The following MGAT4C variants were observed in gnomAD, a reference collection of about 807,000 sequenced individuals.
MGAT4C encodes alpha-1,3-mannosyl-glycoprotein 4-beta-N-acetylglucosaminyltransferase C.
MGAT4C carries 19 observed loss-of-function variants against 40.1 expected under a neutral mutation model. The ratio of observed to expected loss-of-function variants is 0.47; its 90% CI spans 0.33 to 0.70. The LOEUF (loss-of-function observed/expected upper bound fraction) is 0.70, where lower values mean the gene tolerates loss of function less well. MGAT4C is among the 30% of genes least tolerant of loss of function. MGAT4C has a pLI of 0.02. For synonymous variants in MGAT4C, 181 were observed against 187.1 expected, an observed-to-expected ratio of 0.97 and a Z score of 0.27; for missense variants, 491 against 563.2, an observed-to-expected ratio of 0.87 and a Z score of 1.30.
chr12:86,505,352 A>G (rs754219823), intron 2 of MGAT4C, among the ~76,000 whole-genome samples: 17 of 152,220 alleles, frequency 1.1e-4, no homozygotes, highest in Non-Finnish European at 4.4e-5. Context: ...ATAAGGCTCC[A>G]GCACATGATC....
At chr12:86,629,424 G>A (rs893980265) in intron 2 of MGAT4C, among the ~76,000 whole-genome samples, 1 of 151,920 alleles carries the variant, frequency 6.6e-6, no homozygotes, top group African/African-American at 2.4e-5. Flanking sequence ...CTACAGAACT[G>A]TCCACCCCAA....
chr12:86,533,695 CTATATA>C (rs1307787433), intron 2 of MGAT4C, among the ~76,000 whole-genome samples: 1 of 151,116 alleles, frequency 6.6e-6, no homozygotes, highest in East Asian at 1.9e-4. Flanking sequence ...CTTTATATAT[CTATATA>C]TATAAACAAA....
At position 86,774,347 on chromosome 12, in the gene MGAT4C, C is replaced by A. The variant is rs937753185; in HGVS notation, c.-261-47106G>T. Among the ~76,000 whole-genome samples the A allele has an allele frequency of 2.6e-4, 11 of 42,308 alleles. 1 individual carries two copies. Among genetic ancestry groups the A allele is most frequent in the African/African-American group, 6.3e-4 (10 of 15,802 alleles). 27.8% of individuals were successfully genotyped at this position (42,308 alleles called of 152,430 possible). A position where few individuals can be genotyped will look rare whatever the true frequency, so the allele number is the denominator to read the frequency against. ...TCTTTCTTTCTTTCTTTCTGTCTCT[C>A]TCTCTCCCCTCTCTCTCTCTCTCTT... On this transcript the variant is annotated intron_variant, in intron 1 of 7. Transcript: ENST00000548651.
intron 1 of MGAT4C, among the ~76,000 whole-genome samples, chr12:86,798,237 A>G (rs1473712670): frequency 6.6e-6 from 1 of 151,966 alleles, no homozygotes; most frequent in Non-Finnish European, 1.5e-5. Context: ...TACATTCACC[A>G]TAATTTACTC....
At chr12:86,198,328 T>A (rs542616538) in intron 1 of MGAT4C, among the ~76,000 whole-genome samples, 2 of 152,296 alleles carry the variant, frequency 1.3e-5, no homozygotes, top group East Asian at 3.9e-4. Flanking sequence ...CCTGGGATAT[T>A]AGCACTATTG....
At chr12:86,679,684 C>T (rs531631586) in intron 2 of MGAT4C, among the ~76,000 whole-genome samples, 1 of 152,144 alleles carries the variant, frequency 6.6e-6, no homozygotes, top group South Asian at 2.1e-4. Flanking sequence ...TATCTAGCTC[C>T]TTCTACCATG....
At chr12:86,482,698 G>A (rs948343364) in intron 2 of MGAT4C, among the ~76,000 whole-genome samples, 18 of 152,142 alleles carry the variant, frequency 1.2e-4, no homozygotes, top group Middle Eastern at 3.5e-3. Flanking sequence ...TTTCTCTAAC[G>A]TATAAAGTCT....
chr12:86,428,133 T>C (rs1226355608), intron 3 of MGAT4C, among the ~76,000 whole-genome samples: 1 of 152,178 alleles, frequency 6.6e-6, no homozygotes, highest in Admixed American at 6.5e-5. Flanking sequence ...GAATAAACAA[T>C]GCAGATGTTA....
At chr12:86,291,169 G>A (rs181071497) in intron 4 of MGAT4C, among the ~76,000 whole-genome samples, 1 of 152,298 alleles carries the variant, frequency 6.6e-6, no homozygotes. Flanking sequence ...TGAGAATAAT[G>A]TCTGGTGGTT....
intron 2 of MGAT4C, among the ~76,000 whole-genome samples, chr12:86,649,649 T>A (rs1307810283): frequency 2.0e-5 from 3 of 151,810 alleles, no homozygotes; most frequent in Admixed American, 2.0e-4. Context: ...TTTAAGCTTA[T>A]CCCTGGCCAA....
intron 2 of MGAT4C, among the ~76,000 whole-genome samples, chr12:86,683,053 G>A (rs1056189387): frequency 6.6e-6 from 1 of 152,122 alleles, no homozygotes; most frequent in African/African-American, 2.4e-5. Context: ...AGGATCCTGA[G>A]CAGGATGTCT....
intron 1 of MGAT4C, among the ~76,000 whole-genome samples, chr12:86,814,069 C>T (rs946570676): frequency 6.6e-6 from 1 of 151,684 alleles, no homozygotes; most frequent in African/African-American, 2.4e-5. Flanking sequence ...CACTGCCACG[C>T]CTGGCAAATT....
intron 3 of MGAT4C, among the ~76,000 whole-genome samples, chr12:86,424,541 GA>G (rs1956889681): frequency 6.6e-6 from 1 of 152,128 alleles, no homozygotes. Context: ...AGTCAGATCT[GA>G]GCAACGGCTG....
chr12:86,112,322 CT>C (rs538824020), intron 1 of MGAT4C, among the ~76,000 whole-genome samples: 12 of 151,096 alleles, frequency 7.9e-5, no homozygotes, highest in African/African-American at 2.9e-4. Context: ...CCCCCCCACC[CT>C]TTTTTTTGTT....
chr12:86,350,788 A>C (rs1319093535), intron 3 of MGAT4C, among the ~76,000 whole-genome samples: 1 of 152,136 alleles, frequency 6.6e-6, no homozygotes, highest in Non-Finnish European at 1.5e-5. Flanking sequence ...TTTACAATAG[A>C]CTGAAATGTT....
At chr12:86,052,953 C>CT (rs1222787836) in intron 1 of MGAT4C, among the ~76,000 whole-genome samples, 1 of 151,946 alleles carries the variant, frequency 6.6e-6, no homozygotes, top group Admixed American at 6.6e-5. Context: ...TGGTGAAATG[C>CT]AAACGGCAGC....
intron 2 of MGAT4C, among the ~76,000 whole-genome samples, chr12:86,552,817 T>TATCTCTCAATTTTAG (rs1565844405): frequency 1.3e-5 from 2 of 152,144 alleles, no homozygotes; most frequent in Non-Finnish European, 2.9e-5. Flanking sequence ...TGCATAACTA[T>TATCTCTCAATTTTAG]ATCTCTCAAT....
intron 2 of MGAT4C, among the ~76,000 whole-genome samples, chr12:86,607,975 A>G (rs927759894): frequency 1.3e-5 from 2 of 152,026 alleles, no homozygotes; most frequent in Non-Finnish European, 2.9e-5. Context: ...GGCTCAAGCA[A>G]TCCTTCTCCC....
intron 4 of MGAT4C, among the ~76,000 whole-genome samples, chr12:86,264,449 C>A (rs1466073453): frequency 1.3e-5 from 2 of 152,160 alleles, no homozygotes; most frequent in African/African-American, 4.8e-5. Flanking sequence ...GCTGCCACTG[C>A]GAAGACGCGG....
Sources: allele counts gnomAD v4.1 joint callset (sites outside exome capture counted in the v4.1 genomes callset), GRCh38; gene constraint gnomAD v4.1.1; transcripts MANE v1.5; gene names NCBI Gene and HGNC (gene_info 2026-07-23, HGNC 2026-07-21).